Variants in NIPBL observed in about 807,000 individuals in gnomAD.
NIPBL encodes the protein nipped-B-like protein.
In NIPBL, 19 loss-of-function variants were observed where a neutral mutation model predicts 321.8. The observed-to-expected ratio is 0.06, with a 90% CI of 0.04 to 0.09. NIPBL has a LOEUF of 0.09. Ranked by LOEUF, NIPBL falls within the 10% of genes least tolerant of loss-of-function variation. The pLI, the probability that NIPBL is intolerant of heterozygous loss-of-function variation, is 1.00. For missense variants in NIPBL, 2,210 were observed against 3,327.0 expected, an observed-to-expected ratio of 0.66 and a Z score of 8.26; for synonymous variants, 1,106 against 1,114.1, an observed-to-expected ratio of 0.99 and a Z score of 0.14.
At chr5:37,028,312 C>CT (rs1385523235) in intron 32 of NIPBL, among the ~76,000 whole-genome samples, 2 of 138,688 alleles carry the variant, frequency 1.4e-5, no homozygotes, top group Non-Finnish European at 3.1e-5. Context: ...TTCTTTCTTT[C>CT]TTCTTTTGTT....
At chr5:36,980,221 A>T (rs1743978787) in intron 9 of NIPBL, among the ~76,000 whole-genome samples, 1 of 151,790 alleles carries the variant, frequency 6.6e-6, no homozygotes, top group South Asian at 2.1e-4. Flanking sequence ...ATTTTCAATT[A>T]TCTAAATAGT....
Position 36,955,530 on chromosome 5 carries a change from C to T in NIPBL, c.123C>T (p.Leu41=), listed in dbSNP as rs774269226. 1.5e-5 allele frequency: 24 copies of T among 1,613,960 alleles called. No individual in the cohort carries two copies. The highest frequency in any genetic ancestry group is 1.7e-4 in the Middle Eastern group (1 of 6,060). Residue 41 remains leucine, a synonymous_variant, in exon 3 of 47, where the codon CTC becomes CTT. Coordinates refer to ENST00000282516, the MANE Select transcript of NIPBL (RefSeq NM_133433.4). ...PLPATTTKSL[L]FNARIAEEVN... is the part of the protein sequence containing the mutation. Reference sequence around the variant, plus strand: ...CTGCTACAACTACAAAGAGCCTTCTCTTTAATGCACGAATAGCAGAAGAGG... The same window carrying T: ...CTGCTACAACTACAAAGAGCCTTCTTTTTAATGCACGAATAGCAGAAGAGG...
In NIPBL at chr5:37,002,744, A is replaced by G. The variant is rs2149672538; in HGVS notation, c.3747A>G (p.Lys1249=). The stretch of plus-strand genomic sequence containing the variant: ...TTGGCAGTGAATCTGCTAAAATAAA[A>G]GCAATGGGTATAATGGATAAGGTAT... The part of the protein sequence containing the change: ...NELGSESAKI[K]AMGIMDKLST... Residue 1249 remains lysine (K), a synonymous_variant, in exon 15 of 47, where the codon AAA becomes AAG. Coordinates refer to ENST00000282516, the MANE Select transcript of NIPBL (RefSeq NM_133433.4). The G allele has an allele frequency of 6.3e-7, 1 of 1,597,634 alleles. No homozygotes were observed. Among genetic ancestry groups the G allele is most frequent in the Non-Finnish European group, 8.6e-7 (1 of 1,165,292 alleles).
rs1749494300 is a variant in NIPBL at position 37,020,448 on chromosome 5, T to C, written c.5011-11T>C. Reference sequence around the variant, plus strand: ...TTTCATCAAGCTCAAGTCTGTCTAATTTCTTTCCAGTTTTCTCGTAAATTC... The same window carrying C: ...TTTCATCAAGCTCAAGTCTGTCTAACTTCTTTCCAGTTTTCTCGTAAATTC... On this transcript the variant is annotated splice_polypyrimidine_tract_variant and intron_variant, in intron 25 of 46. Coordinates refer to ENST00000282516, the MANE Select transcript of NIPBL (RefSeq NM_133433.4). The C allele has an allele frequency of 6.3e-7, 1 of 1,589,432 alleles. No homozygotes were observed. The highest frequency in any genetic ancestry group is 1.7e-5 in the Admixed American group (1 of 59,948).
chr5:36,931,650 T>C (rs968998385), intron 1 of NIPBL, among the ~76,000 whole-genome samples: 2 of 152,130 alleles, frequency 1.3e-5, no homozygotes, highest in African/African-American at 4.8e-5. Flanking sequence ...TGGTAGTGAT[T>C]TCCTCTCCTT....
At position 36,976,271 on chromosome 5, in the gene NIPBL, A is replaced by T. The variant is rs536363403; in HGVS notation, c.1364A>T (p.Asn455Ile). 2 of 1,613,874 alleles carry T rather than the reference A, an allele frequency of 1.2e-6. No homozygotes were observed. Among genetic ancestry groups the T allele is most frequent in the South Asian group, 2.2e-5 (2 of 91,070 alleles). Residue 455 changes from asparagine to isoleucine, a missense_variant, in exon 9 of 47, where the codon AAT (asparagine) becomes ATT (isoleucine). Physicochemically the swap from Asn to Ile is moderately radical, Grantham distance 149. Around this residue, in one of 14 missense-constraint regions of NIPBL, gnomAD observed 464 missense variants for 529.5 expected, o/e 0.88. Transcript: ENST00000282516. ...AKQPQTSVVQ[N>I]QQQISQQGPI... ...CAACCCCAGACTTCTGTGGTACAGAATCAACAACAGATATCACAACAGGGA... is the reference window on the plus strand; with the variant it reads ...CAACCCCAGACTTCTGTGGTACAGATTCAACAACAGATATCACAACAGGGA...
intron 1 of NIPBL, among the ~76,000 whole-genome samples, chr5:36,929,636 A>G (rs1361085514): frequency 6.6e-6 from 1 of 151,976 alleles, no homozygotes; most frequent in African/African-American, 2.4e-5. Context: ...TGTTTTTGTC[A>G]TCTAAGAACT....
chr5:36,886,015 G>A (rs1745876341), intron 1 of NIPBL: 1 of 718,998 alleles, frequency 1.4e-6, no homozygotes, highest in Non-Finnish European at 2.6e-6. Flanking sequence ...ACAAGTACTG[G>A]TCTCAGCAGA....
chr5:36,907,835 TC>T (rs1747756658), intron 1 of NIPBL, among the ~76,000 whole-genome samples: 2 of 152,082 alleles, frequency 1.3e-5, no homozygotes, highest in African/African-American at 4.8e-5. Flanking sequence ...TAAATGAAAA[TC>T]ATCAAGATGG....
chr5:36,985,316 G>T lies in NIPBL; in HGVS notation c.2136G>T (p.Glu712Asp). The T allele has an allele frequency of 6.2e-7, 1 of 1,613,538 alleles. No homozygotes were observed. Among genetic ancestry groups the T allele is most frequent in the Non-Finnish European group, 8.5e-7 (1 of 1,179,918 alleles). Residue 712 changes from glutamate (E) to aspartate (D), a missense_variant, in exon 10 of 47, where the codon GAG becomes GAT. Physicochemically the swap from Glu to Asp is conservative, Grantham distance 45 (BLOSUM62 2). Transcript: ENST00000282516. The stretch of plus-strand genomic sequence containing the variant: ...AGCAAAAGGGTGAAAGCCGGCCTGA[G>T]ACTCCAAAACAAAAGAGTGATGGGC... ...TPKQKGESRP[E>D]TPKQKSDGHP...
chr5:37,048,946 G>GACACACACAC (rs56972789), intron 39 of NIPBL, among the ~76,000 whole-genome samples, 165 bp from the exon 40 acceptor site: 2 of 148,576 alleles, frequency 1.3e-5, no homozygotes, highest in Non-Finnish European at 3.0e-5. Flanking sequence ...CTCTGACACA[G>GACACACACAC]ACACACACAC....
chr5:37,012,275 G>C (rs933537711), intron 21 of NIPBL, among the ~76,000 whole-genome samples: 4 of 149,286 alleles, frequency 2.7e-5, no homozygotes, highest in African/African-American at 9.8e-5. Flanking sequence ...TCAGCCTTCC[G>C]AGTAGCTGGA....
chr5:36,973,507 A>T (rs1743110104), intron 8 of NIPBL, among the ~76,000 whole-genome samples: 1 of 151,886 alleles, frequency 6.6e-6, no homozygotes, highest in African/African-American at 2.4e-5. Flanking sequence ...TCGCACTGTC[A>T]CCCAGGCTGG....
intron 38 of NIPBL, among the ~76,000 whole-genome samples, chr5:37,047,398 T>A (rs1753091840): frequency 6.6e-6 from 1 of 152,232 alleles, no homozygotes; most frequent in East Asian, 1.9e-4. Context: ...CCTTATTAAA[T>A]CATGTTTATG....
intron 1 of NIPBL, among the ~76,000 whole-genome samples, chr5:36,933,304 A>G (rs112483160): frequency 1.5e-3 from 221 of 152,060 alleles, no homozygotes; most frequent in Admixed American, 1.9e-3. Context: ...GTAGAATGGT[A>G]TTTTTCCAAT....
At chr5:36,955,746 T>C in intron 3 of NIPBL, 109 bp downstream of exon 3, 1 of 817,334 alleles carries the variant, frequency 1.2e-6, no homozygotes, top group East Asian at 2.6e-5. Flanking sequence ...TAGTTTATTT[T>C]TTAAAAATAT....
chr5:36,929,082 A>G (rs1347101877), intron 1 of NIPBL, among the ~76,000 whole-genome samples: 1 of 152,176 alleles, frequency 6.6e-6, no homozygotes, highest in Non-Finnish European at 1.5e-5. Context: ...GCCAAACTGT[A>G]TTCCAGTGTG....
intron 37 of NIPBL, 134 bp downstream of exon 37, chr5:37,045,731 T>C (rs1752907090): frequency 2.1e-6 from 2 of 957,458 alleles, no homozygotes; most frequent in Non-Finnish European, 1.6e-6. Flanking sequence ...AAAACAGTGC[T>C]GCTCAAAACG....
chr5:36,890,623 C>T (rs1746252797), intron 1 of NIPBL, among the ~76,000 whole-genome samples: 1 of 152,162 alleles, frequency 6.6e-6, no homozygotes, highest in South Asian at 2.1e-4. Flanking sequence ...AGCATGGGAT[C>T]TAAACTGCTA....
Sources: allele counts gnomAD v4.1 joint callset (sites outside exome capture counted in the v4.1 genomes callset), GRCh38; gene constraint gnomAD v4.1.1; regional missense constraint gnomAD v4.1.1; transcripts MANE v1.5; gene names NCBI Gene and HGNC (gene_info 2026-07-23, HGNC 2026-07-21).